OSBPL8: variants seen among roughly 807,000 people sequenced by gnomAD.
OSBPL8 encodes the protein oxysterol binding protein like 8.
In OSBPL8, 59 loss-of-function variants were observed where a neutral mutation model predicts 125.5. The observed-to-expected ratio is 0.47, with a 90% CI of 0.38 to 0.58. The LOEUF (loss-of-function observed/expected upper bound fraction) is 0.58. OSBPL8 is among the 20% of genes least tolerant of loss of function. The pLI is 0.00. For synonymous variants in OSBPL8, 330 were observed against 338.9 expected, an observed-to-expected ratio of 0.97 and a Z score of 0.29; for missense variants, 758 against 1,047.8, an observed-to-expected ratio of 0.72 and a Z score of 3.82.
intron 21 of OSBPL8, among the ~76,000 whole-genome samples, chr12:76,361,278 C>T (rs987183122): frequency 1.3e-5 from 2 of 152,182 alleles, no homozygotes; most frequent in African/African-American, 4.8e-5. Context: ...TGCCACCAGC[C>T]TCTTTGCTAA....
Position 76,382,343 on chromosome 12 carries a change from T to C in OSBPL8, c.1630+1911A>G, listed in dbSNP as rs1416882571. Among the ~76,000 whole-genome samples the C allele has an allele frequency of 3.9e-5, 6 of 152,138 alleles. No individual in the cohort carries two copies. The South Asian group carries it at 1.0e-3, about 26-fold the overall frequency. On this transcript the variant is annotated intron_variant, in intron 15 of 23. Coordinates refer to ENST00000261183, the MANE Select transcript of OSBPL8 (RefSeq NM_020841.5). Reference sequence around the variant, plus strand: ...TTTTACCTATACTTTTTGGTGGCGATTTTTCTTTGTGTGTGTGTGTGTTTG... The same window carrying C: ...TTTTACCTATACTTTTTGGTGGCGACTTTTCTTTGTGTGTGTGTGTGTTTG...
At position 76,386,187 on chromosome 12, in the gene OSBPL8, G is replaced by A. The variant is rs1462289424; in HGVS notation, c.1514C>T (p.Thr505Ile). The A allele has an allele frequency of 2.5e-6, 4 of 1,607,642 alleles. No individual in the cohort carries two copies. The highest frequency in any genetic ancestry group is 1.7e-6 in the Non-Finnish European group (2 of 1,177,338). ...LWIHPRTNSKTFYIAEQVSHH... is the reference protein window; with the variant it reads ...LWIHPRTNSKIFYIAEQVSHH... ...TAATACCTGTTCAGCAATATAAAAAGTTTTGCTGTTTGTTCTGGGATGAAT... is the reference window on the plus strand; with the variant it reads ...TAATACCTGTTCAGCAATATAAAAAATTTTGCTGTTTGTTCTGGGATGAAT... Residue 505 changes from threonine to isoleucine, a missense_variant, in exon 14 of 24, where the codon ACT becomes ATT. Physicochemically the swap from Thr to Ile is moderately conservative, Grantham distance 89. Around this residue, in one of 3 missense-constraint regions of OSBPL8, gnomAD observed 572 missense variants for 762.0 expected, o/e 0.75. Transcript: ENST00000261183.
chr12:76,441,101 C>T (rs1872130462), intron 4 of OSBPL8, among the ~76,000 whole-genome samples: 1 of 152,068 alleles, frequency 6.6e-6, no homozygotes, highest in Admixed American at 6.6e-5. Flanking sequence ...CCTATATTTC[C>T]CAATTACAAA....
At chr12:76,515,880 C>G (rs764263307) in intron 1 of OSBPL8, among the ~76,000 whole-genome samples, 1 of 152,152 alleles carries the variant, frequency 6.6e-6, no homozygotes, top group Non-Finnish European at 1.5e-5. Flanking sequence ...TGCTTCTAGT[C>G]AGCCATCTTG....
chr12:76,357,594 C>A (rs1952032291), intron 22 of OSBPL8, among the ~76,000 whole-genome samples: 1 of 152,160 alleles, frequency 6.6e-6, no homozygotes, highest in African/African-American at 2.4e-5. Flanking sequence ...TTATTCGGTT[C>A]ATTCCTCTAA....
intron 1 of OSBPL8, among the ~76,000 whole-genome samples, chr12:76,530,105 G>A (rs914418477): frequency 1.3e-5 from 2 of 151,884 alleles, no homozygotes; most frequent in Non-Finnish European, 2.9e-5. Context: ...CCAGTCAGGA[G>A]TGTGGTGGCA....
intron 5 of OSBPL8, among the ~76,000 whole-genome samples, chr12:76,408,411 G>T (rs766702521): frequency 1.4e-5 from 2 of 143,180 alleles, no homozygotes; most frequent in Admixed American, 7.2e-5. Flanking sequence ...GCAGTGAGCC[G>T]AGATCGCACC....
At chr12:76,545,524 A>C (rs1950759696) in intron 1 of OSBPL8, among the ~76,000 whole-genome samples, 1 of 152,224 alleles carries the variant, frequency 6.6e-6, no homozygotes, top group Non-Finnish European at 1.5e-5. Context: ...AGTTAATTCA[A>C]GACAGTCTCA....
At chr12:76,521,019 G>C (rs938893626) in intron 1 of OSBPL8, among the ~76,000 whole-genome samples, 1 of 152,118 alleles carries the variant, frequency 6.6e-6, no homozygotes, top group African/African-American at 2.4e-5. Flanking sequence ...GTATCAGAAA[G>C]AGCAAAGTAT....
At chr12:76,497,361 A>G (rs888842062) in intron 1 of OSBPL8, among the ~76,000 whole-genome samples, 1 of 152,244 alleles carries the variant, frequency 6.6e-6, no homozygotes, top group Non-Finnish European at 1.5e-5. Flanking sequence ...TTACAAAAAT[A>G]GGAGTAGAGC....
rs11503494 is a variant in OSBPL8, at chr12:76,513,372, C to T, written c.-67-25754G>A. 1.7e-3 allele frequency among the ~76,000 whole-genome samples: 252 copies of T among 152,242 alleles called. 1 individual carries two copies. Among genetic ancestry groups the T allele is most frequent in the African/African-American group, 5.8e-3 (241 of 41,528 alleles). On this transcript the variant is annotated intron_variant, in intron 1 of 23. Coordinates refer to ENST00000261183, the MANE Select transcript of OSBPL8 (RefSeq NM_020841.5). ...TATGTGATTGCTTTCGGAGTATGTT[C>T]CATGTGGAGATAAGAAGAATGTATA...
chr12:76,544,303 C>T (rs1325196628), intron 1 of OSBPL8, among the ~76,000 whole-genome samples: 2 of 152,154 alleles, frequency 1.3e-5, no homozygotes, highest in Admixed American at 6.5e-5. Flanking sequence ...ATGTGTGAGA[C>T]TTGGTTCAGA....
chr12:76,412,751 G>A (rs1333263678), intron 4 of OSBPL8, among the ~76,000 whole-genome samples: 2 of 152,052 alleles, frequency 1.3e-5, no homozygotes, highest in Non-Finnish European at 2.9e-5. Flanking sequence ...AAAAACTAAA[G>A]CTCACAGAAA....
At position 76,389,435 on chromosome 12, in the gene OSBPL8, A is replaced by G. The variant is rs115641074; in HGVS notation, c.1352+210T>C. ...AATTCTTGTTTTCCTCGAGCTTATG[A>G]TATCTCAATTTAACTTCATAAATGG... On this transcript the variant is annotated intron_variant, in intron 12 of 23. Coordinates refer to ENST00000261183, the MANE Select transcript of OSBPL8 (RefSeq NM_020841.5). Among the ~76,000 whole-genome samples, 1,356 of 152,296 alleles carry G rather than the reference A, an allele frequency of 8.9e-3. 25 individuals are homozygous for G. Among genetic ancestry groups the G allele is most frequent in the African/African-American group, 0.031 (1,298 of 41,554 alleles).
At chr12:76,519,866 G>T (rs1022973872) in intron 1 of OSBPL8, among the ~76,000 whole-genome samples, 3 of 152,128 alleles carry the variant, frequency 2.0e-5, no homozygotes, top group Non-Finnish European at 2.9e-5. Context: ...CATTCATGAG[G>T]AATCTGCCCC....
At chr12:76,362,629 G>A (rs769577795) in intron 21 of OSBPL8, among the ~76,000 whole-genome samples, 33 of 152,184 alleles carry the variant, frequency 2.2e-4, no homozygotes, top group Admixed American at 5.9e-4. Flanking sequence ...CACAAGACAA[G>A]GATGCCCTCT....
chr12:76,454,865 T>A (rs951518978), intron 3 of OSBPL8, among the ~76,000 whole-genome samples: 4 of 151,798 alleles, frequency 2.6e-5, no homozygotes, highest in Non-Finnish European at 4.4e-5. Flanking sequence ...AAAAAAAGAC[T>A]TTTTAAAAAG....
chr12:76,395,030 A>G lies in OSBPL8; in HGVS notation c.673-301T>C, dbSNP rs567367382. Among the ~76,000 whole-genome samples, 5 of 152,278 alleles carry G rather than the reference A, an allele frequency of 3.3e-5. No individual in the cohort carries two copies. In the South Asian group the frequency reaches 8.3e-4, roughly 25 times the overall value. On this transcript the variant is annotated intron_variant, in intron 8 of 23. Transcript: ENST00000261183. Reference sequence around the variant, plus strand: ...TTACCATATTAAACCAAATTTTAACAATGTCCATCCCATGGATACAACTAA... The same window carrying G: ...TTACCATATTAAACCAAATTTTAACGATGTCCATCCCATGGATACAACTAA...
chr12:76,494,206 G>A (rs1879027318), intron 1 of OSBPL8, among the ~76,000 whole-genome samples: 1 of 152,036 alleles, frequency 6.6e-6, no homozygotes, highest in South Asian at 2.1e-4. Context: ...ATGTTTTCTT[G>A]CTTTTTCATG....
Sources: gnomAD v4.1 joint callset for allele counts (sites outside exome capture counted in the v4.1 genomes callset) on GRCh38, gnomAD v4.1.1 for gene constraint, gnomAD v4.1.1 regional missense constraint, MANE v1.5 for transcripts, NCBI Gene and HGNC (gene_info 2026-07-23, HGNC 2026-07-21) for gene names.